The following FGGY variants were observed in gnomAD, a reference collection of about 807,000 sequenced individuals.
FGGY encodes the protein FGGY carbohydrate kinase domain containing.
FGGY carries 72 observed loss-of-function variants against 71.3 expected under a neutral mutation model. The ratio of observed to expected loss-of-function variants is 1.01; its 90% CI spans 0.84 to 1.23. FGGY has a LOEUF of 1.23. Ranked by LOEUF, FGGY falls within the 50% of genes most tolerant of loss-of-function variation. The pLI, the probability that FGGY is intolerant of heterozygous loss-of-function variation, is 0.00. For missense variants in FGGY, 668 were observed against 682.3 expected, an observed-to-expected ratio of 0.98 and a Z score of 0.23; for synonymous variants, 251 against 250.3, an observed-to-expected ratio of 1.00 and a Z score of -0.02.
intron 15 of FGGY, among the ~76,000 whole-genome samples, chr1:59,759,006 T>A (rs1391361163): frequency 1.3e-5 from 2 of 152,056 alleles, no homozygotes; most frequent in East Asian, 3.9e-4. Flanking sequence ...AGGGTCCAGA[T>A]AAAAGGCTTT....
intron 1 of FGGY, among the ~76,000 whole-genome samples, chr1:59,297,448 T>C (rs1283204588): frequency 6.6e-6 from 1 of 152,222 alleles, no homozygotes; most frequent in Non-Finnish European, 1.5e-5. Context: ...TTAGATGAGA[T>C]AATGCTGTTT....
chr1:59,355,681 A>G (rs1229866739), intron 4 of FGGY, among the ~76,000 whole-genome samples: 2 of 152,056 alleles, frequency 1.3e-5, no homozygotes, highest in African/African-American at 2.4e-5. Flanking sequence ...GTGTGGCAGT[A>G]TGAGGAAACC....
chr1:59,541,734 T>C (rs1194556432), intron 7 of FGGY, among the ~76,000 whole-genome samples: 3 of 152,176 alleles, frequency 2.0e-5, no homozygotes, highest in African/African-American at 7.2e-5. Context: ...AAATGTGTAC[T>C]TCAATGTACC....
chr1:59,304,562 T>C (rs1210920197), intron 1 of FGGY, among the ~76,000 whole-genome samples: 1 of 152,122 alleles, frequency 6.6e-6, no homozygotes, highest in Non-Finnish European at 1.5e-5. Flanking sequence ...TTTTTGTGGT[T>C]CCATATGAAT....
intron 5 of FGGY, among the ~76,000 whole-genome samples, chr1:59,409,598 TTATATATATATA>T (rs202016801): frequency 9.5e-6 from 1 of 105,760 alleles, no homozygotes; most frequent in Non-Finnish European, 2.1e-5. Flanking sequence ...GAAGAGTTTT[TTATATATATATA>T]TATATATATA....
chr1:59,318,116 A>G (rs1055316339), intron 1 of FGGY, among the ~76,000 whole-genome samples: 1 of 152,206 alleles, frequency 6.6e-6, no homozygotes, highest in South Asian at 2.1e-4. Flanking sequence ...TGTCAATTGT[A>G]TTACTGCCTA....
chr1:59,437,429 A>G (rs1361851147), intron 5 of FGGY, among the ~76,000 whole-genome samples: 1 of 152,258 alleles, frequency 6.6e-6, no homozygotes, highest in African/African-American at 2.4e-5. Flanking sequence ...AGACTGGCCC[A>G]TTCTCTGGAA....
intron 5 of FGGY, among the ~76,000 whole-genome samples, chr1:59,395,703 T>C (rs835424): frequency 0.32 from 48,800 of 152,032 alleles, 8,629 homozygotes; most frequent in African/African-American, 0.48. Flanking sequence ...CTCCCAATAT[T>C]CTTATGTTAT....
chr1:59,352,557 G>A (rs1024271808), intron 4 of FGGY, among the ~76,000 whole-genome samples: 1 of 152,138 alleles, frequency 6.6e-6, no homozygotes, highest in African/African-American at 2.4e-5. Flanking sequence ...AACATACTGG[G>A]AAAATGAGGA....
chr1:59,312,945 G>A (rs144220649), intron 1 of FGGY, among the ~76,000 whole-genome samples: 381 of 152,216 alleles, frequency 2.5e-3, no homozygotes, highest in African/African-American at 8.9e-3. Context: ...CTTTTCTACT[G>A]TCTTTCTGAT....
chr1:59,671,605 A>G (rs2153976524), intron 13 of FGGY, among the ~76,000 whole-genome samples: 1 of 152,358 alleles, frequency 6.6e-6, no homozygotes, highest in African/African-American at 2.4e-5. Flanking sequence ...ACCCTGGGTA[A>G]CAGGTGTGAG....
intron 8 of FGGY, among the ~76,000 whole-genome samples, chr1:59,577,821 A>G (rs1020169719): frequency 6.6e-6 from 1 of 152,168 alleles, no homozygotes; most frequent in Non-Finnish European, 1.5e-5. Context: ...TCTCTGCTCA[A>G]AAGCCTTTGA....
chr1:59,601,595 T>C (rs2096578837), intron 8 of FGGY, among the ~76,000 whole-genome samples: 1 of 152,204 alleles, frequency 6.6e-6, no homozygotes, highest in South Asian at 2.1e-4. Flanking sequence ...CTCTATAGAC[T>C]GTCAGGGTAA....
At chr1:59,722,592 T>C (rs1558907969) in intron 14 of FGGY, among the ~76,000 whole-genome samples, 1 of 152,242 alleles carries the variant, frequency 6.6e-6, no homozygotes, top group Non-Finnish European at 1.5e-5. Flanking sequence ...GTTACTCAGT[T>C]GTTCCAGTTG....
chr1:59,650,927 T>A (rs1424094250), intron 11 of FGGY, among the ~76,000 whole-genome samples: 1 of 151,160 alleles, frequency 6.6e-6, no homozygotes, highest in African/African-American at 2.5e-5. Flanking sequence ...TTTGAATGTG[T>A]CCCAGAGATT....
At chr1:59,319,647 T>C (rs150389872) in intron 1 of FGGY, among the ~76,000 whole-genome samples, 188 of 152,136 alleles carry the variant, frequency 1.2e-3, no homozygotes, top group African/African-American at 4.4e-3. Flanking sequence ...GAGCAAAGGA[T>C]TGGGGCAGCC....
At chr1:59,626,359 A>AATAG (rs1456048829) in intron 10 of FGGY, 1 of 273,744 alleles carries the variant, frequency 3.7e-6, no homozygotes, top group Non-Finnish European at 6.8e-6. Flanking sequence ...CATACTCCTT[A>AATAG]ATAGATACAG....
At position 59,353,531 on chromosome 1, in the gene FGGY, A is replaced by G. The variant is rs140657198; in HGVS notation, c.465+7133A>G. On this transcript the variant is annotated intron_variant, in intron 4 of 15. Coordinates refer to ENST00000303721, the MANE Select transcript of FGGY (RefSeq NM_018291.5). ...CATTTATTTGAATCACCCACATCCTATGTGTAATACCAATTCCAAAGGCAG... is the reference window on the plus strand; with the variant it reads ...CATTTATTTGAATCACCCACATCCTGTGTGTAATACCAATTCCAAAGGCAG... Among the ~76,000 whole-genome samples the G allele has an allele frequency of 2.3e-3, 346 of 152,306 alleles. 2 individuals are homozygous for G. Among genetic ancestry groups the G allele is most frequent in the African/African-American group, 8.1e-3 (335 of 41,562 alleles).
In FGGY at chr1:59,339,942, T is replaced by C. The variant is rs1382742794; in HGVS notation, c.202-16T>C. 1 of 1,529,180 alleles carries C rather than the reference T, an allele frequency of 6.5e-7. No homozygotes were observed. 94.7% of individuals were successfully genotyped at this position (1,529,180 alleles called of 1,614,324 possible). On this transcript the variant is annotated splice_polypyrimidine_tract_variant and intron_variant, in intron 2 of 15. Transcript: ENST00000303721. ...CCTGGTGTTGTAATTTATGTTTTTA[T>C]TTGTTTTTAAAACAGAAAGTTGTAC...
Sources: gnomAD v4.1 joint callset for allele counts (sites outside exome capture counted in the v4.1 genomes callset) on GRCh38, gnomAD v4.1.1 for gene constraint, MANE v1.5 for transcripts, NCBI Gene and HGNC (gene_info 2026-07-23, HGNC 2026-07-21) for gene names.